Variants in RARB observed in about 807,000 individuals in gnomAD.
The protein encoded by RARB is retinoic acid receptor beta.
Under a neutral mutation model 51.9 loss-of-function variants are expected in RARB, and 17 were observed. That is an observed-to-expected ratio of 0.33 (90% CI 0.22 to 0.49). The LOEUF is 0.49. Among genes scored for constraint, RARB ranks in the 20% least tolerant of loss-of-function variants. The pLI is 0.99. For missense variants in RARB, 369 were observed against 550.8 expected, an observed-to-expected ratio of 0.67 and a Z score of 3.30; for synonymous variants, 215 against 195.4, an observed-to-expected ratio of 1.10 and a Z score of -0.84.
chr3:24,877,818 A>T lies in RARB; in HGVS notation c.-380+19066A>T, dbSNP rs141178810. Among the ~76,000 whole-genome samples the T allele has an allele frequency of 2.2e-3, 334 of 152,288 alleles. 6 individuals are homozygous for T. Among genetic ancestry groups the T allele is most frequent in the East Asian group, 1.7e-3 (9 of 5,178 alleles). On this transcript the variant is annotated intron_variant, in intron 2 of 11. Coordinates refer to the RARB transcript ENST00000383772. ...TGATCCTCAGGTCACCATGCTGGAA[A>T]ATCTACCTGTCCACAGGCCTCCAAC...
chr3:24,911,872 A>AT (rs556264250), intron 2 of RARB, among the ~76,000 whole-genome samples: 177 of 152,328 alleles, frequency 1.2e-3, no homozygotes, highest in African/African-American at 4.1e-3. Context: ...ACTTCACTAG[A>AT]TTTTCAAAGC....
chr3:25,362,721 G>A (rs1443457487), intron 5 of RARB, among the ~76,000 whole-genome samples: 1 of 152,172 alleles, frequency 6.6e-6, no homozygotes, highest in African/African-American at 2.4e-5. Flanking sequence ...CTTGGTTAGG[G>A]GAGGGAGTTC....
chr3:25,281,794 C>G (rs1020990271), intron 5 of RARB, among the ~76,000 whole-genome samples: 2 of 152,186 alleles, frequency 1.3e-5, no homozygotes, highest in Non-Finnish European at 2.9e-5. Context: ...AAATGTATTA[C>G]TTCAACCAGG....
At chr3:25,137,265 T>C (rs900297851) in intron 4 of RARB, among the ~76,000 whole-genome samples, 1 of 152,100 alleles carries the variant, frequency 6.6e-6, no homozygotes, top group African/African-American at 2.4e-5. Context: ...TTAATGTAGC[T>C]GGAATTCTTA....
intron 2 of RARB, among the ~76,000 whole-genome samples, chr3:24,982,854 T>C (rs552380059): frequency 2.0e-5 from 3 of 152,296 alleles, no homozygotes; most frequent in African/African-American, 7.2e-5. Flanking sequence ...TTGAATATCC[T>C]ACAAAGTATG....
chr3:25,010,128 T>G lies in RARB; in HGVS notation c.-379-49997T>G, dbSNP rs540838287. Among the ~76,000 whole-genome samples, 10 of 134,728 alleles carry G rather than the reference T, an allele frequency of 7.4e-5. No homozygotes were observed. The South Asian group carries it at 2.3e-3, about 30-fold the overall frequency. The allele number at this position is 134,728 out of a possible 152,430, so 88.4% of individuals were successfully genotyped here. On this transcript the variant is annotated intron_variant, in intron 2 of 11. Transcript: ENST00000383772. ...TTTCTTGTAATATTGGGTCCCAACT[T>G]TTTTTTATACCGAGGCCAGGACAGA...
At chr3:25,399,709 C>G (rs1707213672) in intron 5 of RARB, among the ~76,000 whole-genome samples, 1 of 152,126 alleles carries the variant, frequency 6.6e-6, no homozygotes, top group South Asian at 2.1e-4. Context: ...TGATGGAACT[C>G]AATCCTAGCT....
chr3:24,923,644 G>C (rs1695262478), intron 2 of RARB, among the ~76,000 whole-genome samples: 1 of 152,082 alleles, frequency 6.6e-6, no homozygotes, highest in Non-Finnish European at 1.5e-5. Flanking sequence ...CCTTTGCTTA[G>C]GGCAAGGTAT....
intron 1 of RARB, among the ~76,000 whole-genome samples, chr3:25,446,459 A>G: frequency 6.6e-6 from 1 of 152,234 alleles, no homozygotes; most frequent in Non-Finnish European, 1.5e-5. Flanking sequence ...CACAAAGCCT[A>G]AAGTATTTCC....
intron 5 of RARB, among the ~76,000 whole-genome samples, chr3:25,288,882 T>C (rs1437849096): frequency 6.6e-6 from 1 of 152,204 alleles, no homozygotes; most frequent in Admixed American, 6.5e-5. Context: ...CTCCCTTTTA[T>C]GCAAGTTTCA....
intron 5 of RARB, among the ~76,000 whole-genome samples, chr3:25,346,248 G>A (rs1705389771): frequency 6.6e-6 from 1 of 151,962 alleles, no homozygotes; most frequent in Non-Finnish European, 1.5e-5. Flanking sequence ...GCATCCCCAG[G>A]GTCAACATCC....
At chr3:24,841,425 A>G (rs184878006) in intron 1 of RARB, among the ~76,000 whole-genome samples, 18 of 152,322 alleles carry the variant, frequency 1.2e-4, no homozygotes, top group African/African-American at 4.1e-4. Context: ...GCTGCAGTGG[A>G]TCAAGAAGTC....
intron 1 of RARB, among the ~76,000 whole-genome samples, chr3:24,831,039 A>G (rs1702274862): frequency 6.6e-6 from 1 of 152,164 alleles, no homozygotes; most frequent in Admixed American, 6.5e-5. Context: ...TGCTGGTTTT[A>G]GATAGCCTCC....
At chr3:24,969,861 A>C (rs190497442) in intron 2 of RARB, among the ~76,000 whole-genome samples, 28 of 152,182 alleles carry the variant, frequency 1.8e-4, no homozygotes, top group African/African-American at 6.5e-4. Flanking sequence ...TTAGCTATGT[A>C]TTTCCTTCTC....
chr3:25,348,718 T>C (rs1052441468), intron 5 of RARB, among the ~76,000 whole-genome samples: 2 of 152,236 alleles, frequency 1.3e-5, no homozygotes, highest in Non-Finnish European at 2.9e-5. Flanking sequence ...TTAACGTTTT[T>C]TCTAAAAATT....
At chr3:25,266,103 A>G (rs1005156933) in intron 5 of RARB, among the ~76,000 whole-genome samples, 1 of 152,180 alleles carries the variant, frequency 6.6e-6, no homozygotes, top group African/African-American at 2.4e-5. Context: ...TCTTAAGTTC[A>G]GCTGATTATA....
intron 2 of RARB, among the ~76,000 whole-genome samples, chr3:25,049,450 T>TC (rs1698282647): frequency 6.6e-6 from 1 of 152,226 alleles, no homozygotes; most frequent in African/African-American, 2.4e-5. Flanking sequence ...TCCTTGCTTA[T>TC]TTACATCACT....
intron 5 of RARB, among the ~76,000 whole-genome samples, chr3:25,243,350 A>G (rs936216071): frequency 6.6e-6 from 1 of 152,142 alleles, no homozygotes; most frequent in African/African-American, 2.4e-5. Flanking sequence ...ACTGTGTTGA[A>G]TAGGAGTGGT....
intron 5 of RARB, among the ~76,000 whole-genome samples, chr3:25,341,945 TAATTA>T (rs1334944732): frequency 6.6e-6 from 1 of 152,202 alleles, no homozygotes; most frequent in East Asian, 1.9e-4. Flanking sequence ...ATCACAATTA[TAATTA>T]AATACATTGT....
Sources: gnomAD v4.1 joint callset for allele counts (sites outside exome capture counted in the v4.1 genomes callset) on GRCh38, gnomAD v4.1.1 for gene constraint, MANE v1.5 for transcripts, NCBI Gene and HGNC (gene_info 2026-07-23, HGNC 2026-07-21) for gene names.